TTN: variants seen among roughly 807,000 people sequenced by gnomAD.
The protein encoded by TTN is connectin.
Under a neutral mutation model 3,223.0 loss-of-function variants are expected in TTN, and 1,525 were observed. The ratio of observed to expected loss-of-function variants is 0.47; its 90% CI spans 0.45 to 0.49. The LOEUF is 0.49. TTN is among the 20% of genes least tolerant of loss of function. The pLI, the probability that TTN is intolerant of heterozygous loss-of-function variation, is 0.00. For missense variants in TTN, 40,786 were observed against 43,424.0 expected (o/e 0.94, Z 5.40); for synonymous variants, 14,094 against 15,161.0 (o/e 0.93, Z 5.17).
chr2:178,718,876 C>T lies in TTN; in HGVS notation c.24324G>A (p.Lys8108=). The T allele has an allele frequency of 1.2e-6, 2 of 1,613,626 alleles. No homozygotes were observed. Among genetic ancestry groups the T allele is most frequent in the Non-Finnish European group, 1.7e-6 (2 of 1,179,716 alleles). Residue 8108 remains lysine, a synonymous_variant, in exon 84 of 363, where the codon AAG becomes AAA. Transcript: ENST00000589042. ...TSVIRGTPPF[K]VKWFKGSREL... is the part of the protein sequence containing the mutation. The stretch of plus-strand genomic sequence containing the variant: ...CCCTGCTGCCTTTAAACCACTTGAC[C>T]TTGAAAGGAGGGGTGCCTCTGATGA...
Position 178,774,067 on chromosome 2 carries a change from G to A in TTN, c.7101C>T (p.Val2367=). The change falls in exon 31 of 363, where the codon GTC becomes GTT. Residue 2367 remains valine, a synonymous_variant. Coordinates refer to ENST00000589042, the MANE Select transcript of TTN (RefSeq NM_001267550.2). ...CAAGCTGAACAATGTCACCCTCACA[G>A]ACTTTTTGGTCACTAAGTCCTTGTA... is the stretch of plus-strand genomic sequence containing the variant. ...AILQGLSDQK[V]CEGDIVQLEV... 1 of 1,614,046 alleles carries A rather than the reference G, an allele frequency of 6.2e-7. No homozygotes were observed. Among genetic ancestry groups the A allele is most frequent in the East Asian group, 2.2e-5 (1 of 44,868 alleles).
At chr2:178,613,979 T>C (rs1191379663) in intron 262 of TTN, 42 bp from the exon 263 acceptor site, 2 of 1,609,000 alleles carry the variant, frequency 1.2e-6, no homozygotes, top group Non-Finnish European at 1.7e-6. Flanking sequence ...ATGTCCTGTA[T>C]ATAAATATGA....
In TTN at chr2:178,573,306, T is replaced by C. The variant is rs373204984; in HGVS notation, c.72826A>G (p.Thr24276Ala). 1.3e-6 allele frequency: 2 copies of C among 1,577,160 alleles called. No individual in the cohort carries two copies. Among genetic ancestry groups the C allele is most frequent in the African/African-American group, 1.4e-5 (1 of 73,704 alleles). ...GQRWIKCNKK[T>A]LTDLRYKVSG... ...ACTTTATATCTTAAATCAGTAAGAGTTTTTTTGTTGCATTTAATCCAGCGT... is the reference window on the plus strand; with the variant it reads ...ACTTTATATCTTAAATCAGTAAGAGCTTTTTTGTTGCATTTAATCCAGCGT... The change falls in exon 326 of 363, where the codon ACT becomes GCT. Residue 24276 changes from threonine (T) to alanine (A), a missense_variant. Thr to Ala is a moderately conservative substitution (Grantham distance 58). Transcript: ENST00000589042.
Position 178,559,831 on chromosome 2 carries a change from C to T in TTN, c.86301G>A (p.Lys28767=), listed in dbSNP as rs56310931. The change falls in exon 326 of 363, where the codon AAG becomes AAA. Residue 28767 remains lysine, a synonymous_variant. Transcript: ENST00000589042. ...DSEMRKTLIV[K]AGASFTMTVP... is the part of the protein sequence containing the mutation. ...CAGTCATGGTAAATGAGGCACCAGC[C>T]TTGACAATCAAGGTCTTCCTCATTT... The T allele has an allele frequency of 9.7e-3, 15,652 of 1,610,716 alleles. 109 individuals carry two copies. The highest frequency in any genetic ancestry group is 0.011 in the Non-Finnish European group (12,557 of 1,179,620).
At chr2:178,761,315 G>A (rs1437100930) in intron 43 of TTN, among the ~76,000 whole-genome samples, 1 of 151,954 alleles carries the variant, frequency 6.6e-6, no homozygotes, top group African/African-American at 2.4e-5. Flanking sequence ...CCTGATCATG[G>A]TACCCAGGGG....
Position 178,621,379 on chromosome 2 carries a change from A to G in TTN, c.45350-11T>C, listed in dbSNP as rs940979956. 5 of 1,607,334 alleles carry G rather than the reference A, an allele frequency of 3.1e-6. No individual in the cohort carries two copies. The highest frequency in any genetic ancestry group is 1.7e-5 in the Admixed American group (1 of 58,448). ...ATTCAGCAGCCAGTTCTGGGAAGAAAAAGTTACAAGATATTAGAAACATAT... is the reference window on the plus strand; with the variant it reads ...ATTCAGCAGCCAGTTCTGGGAAGAAGAAGTTACAAGATATTAGAAACATAT... On this transcript the variant is annotated splice_polypyrimidine_tract_variant and intron_variant, in intron 245 of 362. Coordinates refer to ENST00000589042, the MANE Select transcript of TTN (RefSeq NM_001267550.2).
At chr2:178,729,231 A>ACCC in intron 64 of TTN, 57 bp downstream of exon 64, 1 of 1,547,630 alleles carries the variant, frequency 6.5e-7, no homozygotes, top group Non-Finnish European at 8.7e-7. Context: ...CCATAATGAT[A>ACCC]AGATTTAAAA....
chr2:178,789,344 G>C lies in TTN; in HGVS notation c.2076+16C>G. On this transcript the variant is annotated intron_variant, in intron 13 of 362. Coordinates refer to ENST00000589042, the MANE Select transcript of TTN (RefSeq NM_001267550.2). The stretch of plus-strand genomic sequence containing the variant: ...ATTATAATAGGGGATTTCACACTTG[G>C]AACAACAATAGTCACCTTTCCATGG... 7 of 1,612,824 alleles carry C rather than the reference G, an allele frequency of 4.3e-6. No individual in the cohort carries two copies. Among genetic ancestry groups the C allele is most frequent in the Non-Finnish European group, 5.9e-6 (7 of 1,179,116 alleles).
Position 178,679,646 on chromosome 2 carries a change from T to C in TTN, c.33617A>G (p.Lys11206Arg). Reference sequence around the variant, plus strand: ...CTTCTTGGGAACAGGAACAGGTTTCTTCTCTTCTGGAACAGGTTTCCTGGG... The same window carrying C: ...CTTCTTGGGAACAGGAACAGGTTTCCTCTCTTCTGGAACAGGTTTCCTGGG... ...EVPRKPVPEE[K>R]KPVPVPKKKE... The change falls in exon 141 of 363, where the codon AAG (lysine) becomes AGG (arginine). Residue 11206 changes from lysine (K) to arginine (R), a missense_variant. By Grantham distance (26) the Lys-to-Arg change is conservative. Transcript: ENST00000589042. The C allele has an allele frequency of 6.2e-7, 1 of 1,611,596 alleles. No individual in the cohort carries two copies. The highest frequency in any genetic ancestry group is 1.1e-5 in the South Asian group (1 of 90,602).
At position 178,738,340 on chromosome 2, in the gene TTN, T is replaced by G; in HGVS notation, c.14113A>C (p.Lys4705Gln). Reference protein sequence around the residue: ...VKRAAPVIKRKIEPLEVALGH... With the variant: ...VKRAAPVIKRQIEPLEVALGH... ...AGTGCTACTTCCAGGGGTTCGATTT[T>G]CCTCTTGATCACTGGGGCAGCTGCA... Residue 4705 changes from lysine (K) to glutamine (Q), a missense_variant, in exon 49 of 363, where the codon AAA becomes CAA. Physicochemically the swap from Lys to Gln is moderately conservative, Grantham distance 53. Transcript: ENST00000589042. 6.2e-7 allele frequency: 1 copy of G among 1,612,400 alleles called. No homozygotes were observed. Among genetic ancestry groups the G allele is most frequent in the Non-Finnish European group, 8.5e-7 (1 of 1,178,808 alleles).
chr2:178,766,531 C>T lies in TTN; in HGVS notation c.9553G>A (p.Glu3185Lys). Residue 3185 changes from glutamate (E) to lysine (K), a missense_variant, in exon 41 of 363, where the codon GAA becomes AAA. Coordinates refer to ENST00000589042, the MANE Select transcript of TTN (RefSeq NM_001267550.2). The part of the protein sequence containing the change: ...VDAHWYKDGI[E>K]INFQVQERHK... The stretch of plus-strand genomic sequence containing the variant: ...CGTTCTTGAACTTGGAAATTGATTT[C>T]AATGCCATCTTTATACCAGTGGGCA... 1 of 1,614,070 alleles carries T rather than the reference C, an allele frequency of 6.2e-7. No homozygotes were observed. Among genetic ancestry groups the T allele is most frequent in the East Asian group, 2.2e-5 (1 of 44,858 alleles).
chr2:178,694,398 TAAGCAGAACTAG>T (rs754729817), intron 117 of TTN, 189 bp downstream of exon 117: 13 of 480,112 alleles, frequency 2.7e-5, no homozygotes, highest in Non-Finnish European at 4.1e-5. Context: ...ATGTAATTTT[TAAGCAGAACTAG>T]AAACAAAGTA....
chr2:178,746,687 C>A, intron 47 of TTN: 1 of 1,613,320 alleles, frequency 6.2e-7, no homozygotes, highest in Non-Finnish European at 8.5e-7. Context: ...TTCCAGTGAA[C>A]ACACATTACC....
At chr2:178,736,309 G>A (rs1055423731) in intron 49 of TTN, among the ~76,000 whole-genome samples, 1 of 152,128 alleles carries the variant, frequency 6.6e-6, no homozygotes, top group East Asian at 1.9e-4. Flanking sequence ...AAAGACAAGC[G>A]TTCCTTTATT....
chr2:178,718,217 T>C lies in TTN; in HGVS notation c.24789A>G (p.Pro8263=), dbSNP rs2154299405. The change falls in exon 86 of 363, where the codon CCA becomes CCG. Residue 8263 remains proline (P), a synonymous_variant. Coordinates refer to ENST00000589042, the MANE Select transcript of TTN (RefSeq NM_001267550.2). ...GTTCCAGAGGTTCAATAAAGTACGG[T>C]GGTTCTATGGTACAAAGGATGGTAG... is the stretch of plus-strand genomic sequence containing the variant. The part of the protein sequence containing the change: ...ICEALVSVLE[P]PYFIEPLEHV... 6.3e-7 allele frequency: 1 copy of C among 1,597,428 alleles called. No homozygotes were observed. The highest frequency in any genetic ancestry group is 8.5e-7 in the Non-Finnish European group (1 of 1,174,756).
At chr2:178,602,619 A>T in intron 282 of TTN, 29 bp from the exon 283 acceptor site, 1 of 1,457,018 alleles carries the variant, frequency 6.9e-7, no homozygotes, top group Non-Finnish European at 9.0e-7. Flanking sequence ...AAAAAGCTTC[A>T]TCAGATTTTG....
intron 227 of TTN, 37 bp downstream of exon 227, chr2:178,635,403 A>C (rs2060315893): frequency 6.2e-7 from 1 of 1,603,386 alleles, no homozygotes; most frequent in Non-Finnish European, 8.5e-7. Context: ...ACACATACGC[A>C]AAACTTATAA....
At position 178,600,806 on chromosome 2, in the gene TTN, G is replaced by A. The variant is rs148409254; in HGVS notation, c.56050+48C>T. 240 of 1,606,106 alleles carry A rather than the reference G, an allele frequency of 1.5e-4. 2 individuals are homozygous for A. The African/African-American group carries it at 2.9e-3, about 19-fold the overall frequency. ...TTGTGAACTATTATTGAACACCTAG[G>A]AAGGCAGCTGTAAGGAGGACATTCT... On this transcript the variant is annotated intron_variant, in intron 288 of 362. Coordinates refer to ENST00000589042, the MANE Select transcript of TTN (RefSeq NM_001267550.2).
intron 46 of TTN, among the ~76,000 whole-genome samples, chr2:178,755,376 A>G (rs1000419032): frequency 3.3e-5 from 5 of 152,112 alleles, no homozygotes; most frequent in African/African-American, 1.2e-4. Context: ...AGAAATATCT[A>G]GAGACTTCTA....
Sources: gnomAD v4.1 joint callset for allele counts (sites outside exome capture counted in the v4.1 genomes callset) on GRCh38, gnomAD v4.1.1 for gene constraint, MANE v1.5 for transcripts, NCBI Gene and HGNC (gene_info 2026-07-23, HGNC 2026-07-21) for gene names.